Variants in PANK1 observed in about 807,000 individuals in gnomAD.
PANK1 encodes pantothenate kinase 1.
In PANK1, 18 loss-of-function variants were observed where a neutral mutation model predicts 40.1. The ratio of observed to expected loss-of-function variants is 0.45; its 90% CI spans 0.31 to 0.67. The LOEUF (loss-of-function observed/expected upper bound fraction) is 0.67, where lower values mean the gene tolerates loss of function less well. Among genes scored for constraint, PANK1 ranks in the 30% least tolerant of loss-of-function variants. The pLI is 0.06. For synonymous variants in PANK1, 242 were observed against 237.7 expected (o/e 1.02, Z -0.17); for missense variants, 457 against 599.6 (o/e 0.76, Z 2.48).
rs528227908 is a variant in PANK1 at position 89,640,635 on chromosome 10, G to T, written c.292+3965C>A. Among the ~76,000 whole-genome samples the T allele has an allele frequency of 1.4e-3, 208 of 152,240 alleles. 1 individual carries two copies. Among genetic ancestry groups the T allele is most frequent in the African/African-American group, 4.7e-3 (195 of 41,526 alleles). On this transcript the variant is annotated intron_variant, in intron 1 of 6. Transcript: ENST00000307534. ...GCATATGTAGTTAAATATATTAGAA[G>T]TCAAGCCCTGATTAATTTTCATGAT...
intron 1 of PANK1, among the ~76,000 whole-genome samples, chr10:89,637,059 C>T (rs377038688): frequency 2.3e-4 from 33 of 143,598 alleles, no homozygotes; most frequent in African/African-American, 7.5e-4. Flanking sequence ...GGGGTTCCAC[C>T]GTGTTAGCCA....
At chr10:89,594,344 G>GA (rs1362474515) in intron 3 of PANK1, among the ~76,000 whole-genome samples, 1 of 152,174 alleles carries the variant, frequency 6.6e-6, no homozygotes, top group East Asian at 1.9e-4. Context: ...TGGGTGGTCT[G>GA]AAAGCAGCAA....
chr10:89,636,352 TA>T (rs1227496694), intron 1 of PANK1, among the ~76,000 whole-genome samples: 1 of 139,482 alleles, frequency 7.2e-6, no homozygotes, highest in Admixed American at 7.3e-5. Flanking sequence ...TTTTAATTTT[TA>T]TTTTTTTTGA....
chr10:89,604,415 G>A (rs1412985803), intron 2 of PANK1, among the ~76,000 whole-genome samples: 2 of 152,092 alleles, frequency 1.3e-5, no homozygotes, highest in East Asian at 1.9e-4. Context: ...TTACACTGAC[G>A]GGGCGGTGGC....
chr10:89,601,289 A>G (rs1182883399), intron 2 of PANK1, among the ~76,000 whole-genome samples: 1 of 149,062 alleles, frequency 6.7e-6, no homozygotes, highest in Non-Finnish European at 1.5e-5. Context: ...AACCTGGGCA[A>G]TATACGGAGA....
intron 1 of PANK1, among the ~76,000 whole-genome samples, chr10:89,631,969 TGTGTGTG>T (rs1841660938): frequency 1.2e-5 from 1 of 83,350 alleles, no homozygotes; most frequent in African/African-American, 4.9e-5. Context: ...TGTGTGTGTG[TGTGTGTG>T]TTTTTTTTTT....
At chr10:89,587,549 C>A (rs1844232020) in intron 6 of PANK1, among the ~76,000 whole-genome samples, 1 of 151,116 alleles carries the variant, frequency 6.6e-6, no homozygotes, top group Non-Finnish European at 1.5e-5. Flanking sequence ...TCATAAGTAT[C>A]TTTATCTTCT....
chr10:89,610,464 G>GAA (rs10709875), intron 2 of PANK1, among the ~76,000 whole-genome samples: 4 of 149,136 alleles, frequency 2.7e-5, no homozygotes, highest in African/African-American at 5.0e-5. Flanking sequence ...GGACATAGAA[G>GAA]AAAAAAAAAA....
At chr10:89,641,563 T>G (rs1299942169) in intron 1 of PANK1, among the ~76,000 whole-genome samples, 1 of 152,098 alleles carries the variant, frequency 6.6e-6, no homozygotes, top group Non-Finnish European at 1.5e-5. Context: ...GCCCTTCAGA[T>G]GATACTCACA....
chr10:89,583,413 GATATTAC>G lies in PANK1; in HGVS notation c.*986_*992del, dbSNP rs1394136851. ...GATATATACATGTACAAAACAAATA[GATATTAC>G]TATCTGACACCTCAACCCATGACTT... On this transcript the variant is annotated 3_prime_UTR_variant, in exon 7 of 7. Transcript: ENST00000307534. 6.6e-6 allele frequency: 1 copy of G among 152,026 alleles called. No individual in the cohort carries two copies. 9.4% of individuals were successfully genotyped at this position (152,026 alleles called of 1,614,324 possible). A position where few individuals can be genotyped will look rare whatever the true frequency, so the allele number is the denominator to read the frequency against.
chr10:89,614,458 A>G (rs1845257099), intron 1 of PANK1, among the ~76,000 whole-genome samples: 1 of 152,210 alleles, frequency 6.6e-6, no homozygotes, highest in Non-Finnish European at 1.5e-5. Context: ...AAAACTGTCC[A>G]ATAAAATGGA....
rs567668539 is a variant in PANK1 at position 89,621,407 on chromosome 10, T to C, written c.293-9359A>G. On this transcript the variant is annotated intron_variant, in intron 1 of 6. Coordinates refer to ENST00000307534, the MANE Select transcript of PANK1 (RefSeq NM_148977.3). ...ACCTTCCTTTCACAATGTACAAATT[T>C]GGTTGATAGTATAACAAAATTATTT... Among the ~76,000 whole-genome samples the C allele has an allele frequency of 1.1e-4, 17 of 152,374 alleles. 1 individual carries two copies. Among genetic ancestry groups the C allele is most frequent in the African/African-American group, 3.8e-4 (16 of 41,584 alleles).
intron 1 of PANK1, among the ~76,000 whole-genome samples, chr10:89,625,463 T>A (rs1250776724): frequency 1.3e-5 from 2 of 152,236 alleles, no homozygotes; most frequent in Non-Finnish European, 2.9e-5. Flanking sequence ...ACCCCATGGC[T>A]GTGGTTTAGA....
chr10:89,614,856 T>A (rs1340427623), intron 1 of PANK1, among the ~76,000 whole-genome samples: 2 of 151,890 alleles, frequency 1.3e-5, no homozygotes, highest in Non-Finnish European at 2.9e-5. Context: ...CAATCTTCTG[T>A]TAATAAGAAA....
chr10:89,643,718 G>A (rs1842029711), intron 1 of PANK1: 4 of 1,613,608 alleles, frequency 2.5e-6, no homozygotes, highest in Admixed American at 1.7e-5. Flanking sequence ...CCATTTATAA[G>A]CTTCATTAAA....
chr10:89,599,022 C>T (rs534670105), intron 3 of PANK1: 3 of 483,372 alleles, frequency 6.2e-6, no homozygotes, highest in East Asian at 7.1e-5. Context: ...GTGTGCGATC[C>T]TTCTTCCCTC....
intron 6 of PANK1, among the ~76,000 whole-genome samples, chr10:89,586,404 G>A (rs1168227783): frequency 3.9e-5 from 6 of 152,080 alleles, no homozygotes; most frequent in Non-Finnish European, 5.9e-5. Context: ...GCTGTGGGGG[G>A]TAGGGAGTGG....
At chr10:89,589,660 A>G (rs1844312744) in intron 5 of PANK1, among the ~76,000 whole-genome samples, 1 of 152,168 alleles carries the variant, frequency 6.6e-6, no homozygotes, top group Admixed American at 6.5e-5. Flanking sequence ...GTCTGGGAAC[A>G]TCACCTTTTA....
At chr10:89,594,980 T>A (rs984846857) in intron 3 of PANK1, among the ~76,000 whole-genome samples, 1 of 152,212 alleles carries the variant, frequency 6.6e-6, no homozygotes, top group Non-Finnish European at 1.5e-5. Flanking sequence ...CTCACATCCA[T>A]CTGTTCTGAA....
Sources: allele counts gnomAD v4.1 joint callset (sites outside exome capture counted in the v4.1 genomes callset), GRCh38; gene constraint gnomAD v4.1.1; transcripts MANE v1.5; gene names NCBI Gene and HGNC (gene_info 2026-07-23, HGNC 2026-07-21).